ROPN1L: variants seen among roughly 807,000 people sequenced by gnomAD.
ROPN1L encodes the protein ropporin-1-like protein.
A neutral mutation model predicts 22.7 loss-of-function variants in ROPN1L; 23 were observed. The observed-to-expected ratio is 1.01, with a 90% confidence interval of 0.73 to 1.43. The LOEUF (loss-of-function observed/expected upper bound fraction) is 1.43, where lower values mean the gene tolerates loss of function less well. ROPN1L is among the 40% of genes most tolerant of loss of function. ROPN1L has a pLI of 0.00. For missense variants in ROPN1L, 271 were observed against 291.5 expected, an observed-to-expected ratio of 0.93 and a Z score of 0.51; for synonymous variants, 116 against 117.8, an observed-to-expected ratio of 0.98 and a Z score of 0.10.
At position 10,451,949 on chromosome 5, in the gene ROPN1L, ATCTG is replaced by A. The variant is rs1423751357; in HGVS notation, c.417+1840_417+1843del. 2.1e-3 allele frequency among the ~76,000 whole-genome samples: 320 copies of A among 151,816 alleles called. 3 individuals are homozygous for A. The highest frequency in any genetic ancestry group is 6.5e-3 in the African/African-American group (269 of 41,268). On this transcript the variant is annotated intron_variant, in intron 3 of 4. Transcript: ENST00000274134. ...GTGAAATCTATCTATCTATCTATCT[ATCTG>A]TCTATCTATCTAATCTATCTATCTA...
At chr5:10,460,430 C>G (rs968812169) in intron 3 of ROPN1L, among the ~76,000 whole-genome samples, 1 of 152,238 alleles carries the variant, frequency 6.6e-6, no homozygotes, top group Non-Finnish European at 1.5e-5. Context: ...AGCTGCCCCC[C>G]ACCCCCGCAG....
rs75592309 is a variant in ROPN1L at position 10,457,385 on chromosome 5, G to A, written c.418-3799G>A. ...CAAATATCTGGGTCCTCAGATAGGC[G>A]ACGTCTGTGCCCCAGGTCTTGTTCC... is the stretch of plus-strand genomic sequence containing the variant. On this transcript the variant is annotated intron_variant, in intron 3 of 4. Coordinates refer to ENST00000274134, the MANE Select transcript of ROPN1L (RefSeq NM_031916.5). Among the ~76,000 whole-genome samples the A allele has an allele frequency of 7.1e-3, 1,078 of 152,330 alleles. 14 individuals carry two copies. Among genetic ancestry groups the A allele is most frequent in the African/African-American group, 0.024 (1,012 of 41,576 alleles).
At chr5:10,445,555 G>A (rs1386058185) in intron 1 of ROPN1L, among the ~76,000 whole-genome samples, 1 of 152,110 alleles carries the variant, frequency 6.6e-6, no homozygotes, top group East Asian at 1.9e-4. Flanking sequence ...CAGGAAGAAG[G>A]GGGTGGAGAC....
intron 3 of ROPN1L, among the ~76,000 whole-genome samples, chr5:10,460,535 G>C (rs1204363896): frequency 1.1e-4 from 17 of 152,266 alleles, no homozygotes; most frequent in Non-Finnish European, 2.4e-4. Flanking sequence ...AGCAGAGGGT[G>C]GGCTGCTGTC....
At position 10,442,001 on chromosome 5, in the gene ROPN1L, C is replaced by A. The variant is rs1301164165; in HGVS notation, c.-167C>A. The stretch of plus-strand genomic sequence containing the variant: ...ATTTCTCCCGAAGCCCGCGGAGGAG[C>A]GGGTAAGAGCCCCGCGAATCCGGCC... On this transcript the variant is annotated 5_prime_UTR_variant, in exon 1 of 5. Coordinates refer to ENST00000274134, the MANE Select transcript of ROPN1L (RefSeq NM_031916.5). 1 of 851,538 alleles carries A rather than the reference C, an allele frequency of 1.2e-6. No individual in the cohort carries two copies. Among genetic ancestry groups the A allele is most frequent in the East Asian group, 2.7e-5 (1 of 37,262 alleles). 52.7% of individuals were successfully genotyped at this position (851,538 alleles called of 1,614,324 possible). A position where few individuals can be genotyped will look rare whatever the true frequency, so the allele number is the denominator to read the frequency against.
the ROPN1L span, among the ~76,000 whole-genome samples, chr5:10,477,811 T>C: frequency 6.6e-6 from 1 of 152,058 alleles, no homozygotes; most frequent in Non-Finnish European, 1.5e-5. Flanking sequence ...TCACCTATAA[T>C]CCCAGCTACT....
chr5:10,473,924 G>T (rs1008364161), downstream of ROPN1L, among the ~76,000 whole-genome samples: 1 of 152,134 alleles, frequency 6.6e-6, no homozygotes, highest in Non-Finnish European at 1.5e-5. Flanking sequence ...GGCTGAGGCA[G>T]GTGGATCTCC....
chr5:10,461,757 A>T (rs1735035145), intron 4 of ROPN1L, among the ~76,000 whole-genome samples: 1 of 152,280 alleles, frequency 6.6e-6, no homozygotes, highest in Admixed American at 6.5e-5. Context: ...TGGGTCAATT[A>T]ATTTGCTAGA....
At chr5:10,477,223 C>T in the ROPN1L span, among the ~76,000 whole-genome samples, 1 of 152,202 alleles carries the variant, frequency 6.6e-6, no homozygotes, top group East Asian at 1.9e-4. Flanking sequence ...GTTTGCTGAC[C>T]CCGGGTCTAT....
intron 3 of ROPN1L, among the ~76,000 whole-genome samples, chr5:10,456,518 T>G (rs2126452729): frequency 6.6e-6 from 1 of 152,218 alleles, no homozygotes; most frequent in Admixed American, 6.5e-5. Flanking sequence ...TAAGTGCAGC[T>G]TGCCAGTCAC....
chr5:10,464,016 A>G (rs1437491882), intron 4 of ROPN1L, among the ~76,000 whole-genome samples: 1 of 152,122 alleles, frequency 6.6e-6, no homozygotes, highest in Non-Finnish European at 1.5e-5. Flanking sequence ...GCTGGCGCTC[A>G]AGTGATCCGC....
intron 2 of ROPN1L, 80 bp from the exon 3 acceptor site, chr5:10,449,872 G>A: frequency 1.6e-6 from 2 of 1,227,722 alleles, no homozygotes; most frequent in Non-Finnish European, 2.3e-6. Context: ...GTTACTTGGT[G>A]TGTGTTGAAT....
At chr5:10,463,926 C>T (rs986102553) in intron 4 of ROPN1L, among the ~76,000 whole-genome samples, 3 of 152,174 alleles carry the variant, frequency 2.0e-5, no homozygotes, top group African/African-American at 7.2e-5. Context: ...CCTGTCATCA[C>T]CACCCAGAGT....
At chr5:10,478,982 G>A in the ROPN1L span, among the ~76,000 whole-genome samples, 1 of 152,152 alleles carries the variant, frequency 6.6e-6, no homozygotes, top group African/African-American at 2.4e-5. Context: ...GCAGCCTCTT[G>A]TCCACACAGA....
At chr5:10,459,323 T>TCCACCCTCATCACTGGGTTCCTGCCTC (rs1414226691) in intron 3 of ROPN1L, among the ~76,000 whole-genome samples, 5 of 151,780 alleles carry the variant, frequency 3.3e-5, no homozygotes, top group African/African-American at 1.2e-4. Flanking sequence ...GTTCCCGCCT[T>TCCACCCTCATCACTGGGTTCCTGCCTC]CCACCCTCAT....
chr5:10,455,926 G>A (rs1414312501), intron 3 of ROPN1L, among the ~76,000 whole-genome samples: 1 of 152,244 alleles, frequency 6.6e-6, no homozygotes, highest in Non-Finnish European at 1.5e-5. Flanking sequence ...CTGTGCCTCA[G>A]AGGGGGACCT....
At chr5:10,449,886 C>T (rs1741197188) in intron 2 of ROPN1L, 66 bp from the exon 3 acceptor site, 2 of 1,390,428 alleles carry the variant, frequency 1.4e-6, no homozygotes, top group African/African-American at 1.4e-5. Context: ...GTTGAATATT[C>T]ACAGCATTCA....
chr5:10,479,287 G>A, the ROPN1L span: 1 of 152,234 alleles, frequency 6.6e-6, no homozygotes, highest in African/African-American at 2.4e-5. Flanking sequence ...ACTTGCCCAA[G>A]TTCTGTGAGT....
the ROPN1L span, among the ~76,000 whole-genome samples, chr5:10,480,140 G>T: frequency 3.3e-5 from 5 of 152,194 alleles, no homozygotes; most frequent in African/African-American, 1.2e-4. Context: ...TTCCACAAGG[G>T]CAGATAAATG....
Sources: gnomAD v4.1 joint callset for allele counts (sites outside exome capture counted in the v4.1 genomes callset) on GRCh38, gnomAD v4.1.1 for gene constraint, MANE v1.5 for transcripts, NCBI Gene and HGNC (gene_info 2026-07-23, HGNC 2026-07-21) for gene names.